DGKG: variants seen among roughly 807,000 people sequenced by gnomAD.
The protein encoded by DGKG is DAG kinase gamma.
A neutral mutation model predicts 105.3 loss-of-function variants in DGKG; 78 were observed. The ratio of observed to expected loss-of-function variants is 0.74; its 90% confidence interval spans 0.62 to 0.89. The LOEUF is 0.89. Among genes scored for constraint, DGKG ranks in the 40% least tolerant of loss-of-function variants. The pLI is 0.00. For missense variants in DGKG, 958 were observed against 1,020.1 expected, an observed-to-expected ratio of 0.94 and a Z score of 0.83; for synonymous variants, 346 against 367.1, an observed-to-expected ratio of 0.94 and a Z score of 0.66.
intron 20 of DGKG, among the ~76,000 whole-genome samples, chr3:186,238,196 C>T (rs1235268887): frequency 4.1e-5 from 6 of 146,466 alleles, no homozygotes; most frequent in Non-Finnish European, 8.9e-5. Context: ...ACTCAGGAGG[C>T]TGTGTAGGAA....
At chr3:186,239,316 G>T (rs1191726287) in intron 20 of DGKG, among the ~76,000 whole-genome samples, 1 of 152,220 alleles carries the variant, frequency 6.6e-6, no homozygotes, top group Non-Finnish European at 1.5e-5. Context: ...CGGCCAAGCA[G>T]TAACTACTCT....
At chr3:186,199,467 T>C (rs1718343923) in intron 21 of DGKG, among the ~76,000 whole-genome samples, 1 of 152,234 alleles carries the variant, frequency 6.6e-6, no homozygotes, top group South Asian at 2.1e-4. Context: ...CAGCACTTTA[T>C]ATATTTTATG....
intron 21 of DGKG, chr3:186,207,279 T>C (rs1718792451): frequency 6.2e-6 from 1 of 160,106 alleles, no homozygotes; most frequent in Non-Finnish European, 1.3e-5. Flanking sequence ...ACATTGGATA[T>C]GCCCAAACCT....
At position 186,180,382 on chromosome 3, in the gene DGKG, C is replaced by T. The variant is rs147765298; in HGVS notation, c.2095+7820G>A. 3.9e-4 allele frequency among the ~76,000 whole-genome samples: 59 copies of T among 152,184 alleles called. No individual in the cohort carries two copies. The East Asian group carries it at 9.8e-3, about 25-fold the overall frequency. On this transcript the variant is annotated intron_variant, in intron 22 of 24. Transcript: ENST00000265022. ...TCTCCGTAGGCCTGCAAATGTTGAACGGGAATGACATGTATGTTGCCATGG... is the reference window on the plus strand; with the variant it reads ...TCTCCGTAGGCCTGCAAATGTTGAATGGGAATGACATGTATGTTGCCATGG...
At chr3:186,329,685 A>G (rs1278491091) in intron 1 of DGKG, among the ~76,000 whole-genome samples, 1 of 152,232 alleles carries the variant, frequency 6.6e-6, no homozygotes, top group Non-Finnish European at 1.5e-5. Flanking sequence ...CAACTTGACA[A>G]GTGCCCCATC....
chr3:186,215,992 C>T (rs1168896388), intron 20 of DGKG, among the ~76,000 whole-genome samples: 1 of 151,300 alleles, frequency 6.6e-6, no homozygotes, highest in African/African-American at 2.4e-5. Flanking sequence ...TGCCCCACCC[C>T]CCAAACCCCC....
Position 186,150,130 on chromosome 3 carries a change from C to G in DGKG, c.2336G>C (p.Ser779Thr), listed in dbSNP as rs188658392. 22 of 1,613,608 alleles carry G rather than the reference C, an allele frequency of 1.4e-5. No individual in the cohort carries two copies. The highest frequency in any genetic ancestry group is 2.2e-5 in the East Asian group (1 of 44,878). Residue 779 changes from serine to threonine, a missense_variant, in exon 25 of 25, where the codon AGC (serine) becomes ACC (threonine). Around this residue, in one of 2 missense-constraint regions of DGKG, gnomAD observed 315 missense variants for 400.6 expected, o/e 0.79. Transcript: ENST00000265022. Reference protein sequence around the residue: ...PMMMGPPQKSSFFSLRRKSRS... With the variant: ...PMMMGPPQKSTFFSLRRKSRS... ...GCTCTTCCTTCTCAACGAGAAGAAG[C>G]TGCTCTTCTGGGGAGGCCCCATCAT...
chr3:186,163,096 C>T (rs564583108), intron 23 of DGKG, among the ~76,000 whole-genome samples: 33 of 152,242 alleles, frequency 2.2e-4, no homozygotes, highest in African/African-American at 7.5e-4. Flanking sequence ...GCCTCGACCT[C>T]CTGGGCTCAA....
intron 5 of DGKG, among the ~76,000 whole-genome samples, chr3:186,295,571 A>G (rs1365946268): frequency 6.8e-6 from 1 of 146,224 alleles, no homozygotes; most frequent in Non-Finnish European, 1.5e-5. Context: ...TCCCCTGGGC[A>G]TATCCTAAGA....
intron 17 of DGKG, among the ~76,000 whole-genome samples, chr3:186,257,289 G>A (rs958368875): frequency 6.6e-5 from 10 of 152,252 alleles, no homozygotes; most frequent in African/African-American, 2.2e-4. Context: ...TGATGTGTCC[G>A]AGGACCCACA....
chr3:186,339,930 C>T (rs1451232429), intron 1 of DGKG, among the ~76,000 whole-genome samples: 2 of 152,214 alleles, frequency 1.3e-5, no homozygotes, highest in East Asian at 1.9e-4. Flanking sequence ...CAAGTTTCCT[C>T]ATCTGGAAAA....
At chr3:186,189,675 T>C in intron 21 of DGKG, among the ~76,000 whole-genome samples, 1 of 152,230 alleles carries the variant, frequency 6.6e-6, no homozygotes, top group East Asian at 1.9e-4. Flanking sequence ...AGAAGACTTG[T>C]TGCCATTCAT....
intron 20 of DGKG, among the ~76,000 whole-genome samples, chr3:186,241,665 C>T (rs1429400933): frequency 6.6e-6 from 1 of 152,154 alleles, no homozygotes; most frequent in African/African-American, 2.4e-5. Context: ...TTCTCCCAAC[C>T]TACCTAGGGT....
intron 22 of DGKG, among the ~76,000 whole-genome samples, chr3:186,181,328 A>G (rs2108494711): frequency 6.6e-6 from 1 of 152,296 alleles, no homozygotes; most frequent in Non-Finnish European, 1.5e-5. Context: ...TGGGAAAATG[A>G]CTCAGAGTGA....
At chr3:186,280,842 G>C in intron 7 of DGKG, 98 bp from the exon 8 acceptor site, 1 of 976,210 alleles carries the variant, frequency 1.0e-6, no homozygotes, top group Admixed American at 2.0e-5. Flanking sequence ...AAGAGGGACA[G>C]GGCAGGGCAA....
chr3:186,321,033 A>G (rs1234810946), intron 1 of DGKG, among the ~76,000 whole-genome samples: 1 of 152,248 alleles, frequency 6.6e-6, no homozygotes, highest in Non-Finnish European at 1.5e-5. Context: ...CTTCATGAGT[A>G]ATTACAGGAA....
chr3:186,334,930 A>G (rs534885905), intron 1 of DGKG, among the ~76,000 whole-genome samples: 85 of 152,348 alleles, frequency 5.6e-4, no homozygotes, highest in African/African-American at 1.7e-3. Flanking sequence ...TGTCATTTGA[A>G]TAAAGTACAA....
chr3:186,173,231 G>T (rs781192394), intron 22 of DGKG, among the ~76,000 whole-genome samples: 1 of 152,176 alleles, frequency 6.6e-6, no homozygotes, highest in African/African-American at 2.4e-5. Flanking sequence ...CTTCTTTGAC[G>T]CACGAATTTT....
intron 1 of DGKG, among the ~76,000 whole-genome samples, chr3:186,324,516 GAAA>G (rs35971921): frequency 1.5e-5 from 2 of 134,324 alleles, no homozygotes; most frequent in African/African-American, 5.3e-5. Context: ...ACGATCAGCT[GAAA>G]AAAAAAAAAA....
Sources: gnomAD v4.1 joint callset for allele counts (sites outside exome capture counted in the v4.1 genomes callset) on GRCh38, gnomAD v4.1.1 for gene constraint, gnomAD v4.1.1 regional missense constraint, MANE v1.5 for transcripts, NCBI Gene and HGNC (gene_info 2026-07-23, HGNC 2026-07-21) for gene names.